GABBR2: variants seen among roughly 807,000 people sequenced by gnomAD.
GABBR2 encodes G-protein coupled receptor 51.
GABBR2 carries 23 observed loss-of-function variants against 105.6 expected under a neutral mutation model. That is an observed-to-expected ratio of 0.22 (90% CI 0.16 to 0.31). The LOEUF is 0.31. Among genes scored for constraint, GABBR2 ranks in the 10% least tolerant of loss-of-function variants. The pLI is 1.00. For missense variants in GABBR2, 734 were observed against 1,245.5 expected (o/e 0.59, Z 6.18); for synonymous variants, 478 against 499.7 (o/e 0.96, Z 0.58).
intron 7 of GABBR2, 76 bp from the exon 8 acceptor site, chr9:98,406,217 A>T (rs1268622696): frequency 1.3e-6 from 1 of 768,878 alleles, no homozygotes; most frequent in African/African-American, 1.8e-5. Context: ...CTGATCTCAC[A>T]GCAATTCATT....
intron 13 of GABBR2, among the ~76,000 whole-genome samples, chr9:98,341,880 G>A (rs1047416090): frequency 1.3e-5 from 2 of 152,138 alleles, no homozygotes; most frequent in South Asian, 2.1e-4. Flanking sequence ...TCGAGAAGCC[G>A]GCTTAATGGG....
At chr9:98,671,878 A>G (rs1033723736) in intron 1 of GABBR2, among the ~76,000 whole-genome samples, 1 of 152,168 alleles carries the variant, frequency 6.6e-6, no homozygotes, top group Non-Finnish European at 1.5e-5. Context: ...GGTAGCTTGG[A>G]CTATGATCAA....
chr9:98,443,693 G>C (rs932408727), intron 7 of GABBR2, among the ~76,000 whole-genome samples: 1 of 152,184 alleles, frequency 6.6e-6, no homozygotes, highest in African/African-American at 2.4e-5. Context: ...CATGGACTAA[G>C]TGCTGGGTCT....
At chr9:98,607,513 A>G (rs1468331539) in intron 1 of GABBR2, 6 of 593,248 alleles carry the variant, frequency 1.0e-5, no homozygotes, top group African/African-American at 7.5e-5. Flanking sequence ...GAAACATAAT[A>G]AAGAAGAAAA....
At chr9:98,455,156 A>T (rs2131605121) in intron 6 of GABBR2, among the ~76,000 whole-genome samples, 1 of 152,316 alleles carries the variant, frequency 6.6e-6, no homozygotes, top group South Asian at 2.1e-4. Flanking sequence ...ATTGAAAAAA[A>T]GATTTTTTTT....
At chr9:98,623,158 C>A (rs1195897944) in intron 1 of GABBR2, among the ~76,000 whole-genome samples, 1 of 152,218 alleles carries the variant, frequency 6.6e-6, no homozygotes, top group Non-Finnish European at 1.5e-5. Flanking sequence ...GGCGCGGTGG[C>A]TCATGCCTGT....
At chr9:98,507,098 A>C (rs1455467491) in intron 3 of GABBR2, among the ~76,000 whole-genome samples, 3 of 152,226 alleles carry the variant, frequency 2.0e-5, no homozygotes, top group Non-Finnish European at 2.9e-5. Flanking sequence ...TCGATCAGCC[A>C]GGCTGATGGA....
chr9:98,346,551 A>G (rs543363606), intron 13 of GABBR2, among the ~76,000 whole-genome samples: 2 of 152,340 alleles, frequency 1.3e-5, no homozygotes, highest in East Asian at 1.9e-4. Context: ...ATCACCTTGA[A>G]CATTTATCAT....
At position 98,473,157 on chromosome 9, in the gene GABBR2, T is replaced by C. The variant is rs1826718798; in HGVS notation, c.988A>G (p.Ile330Val). ...ACCAAGGCACTGACCTTTCCTGAGA[T>C]GGTCTTGATCTGCTTGGAGCTCAGG... ...EPLSSKQIKT[I>V]SGKTPQQYER... is the part of the protein sequence containing the mutation. Residue 330 changes from isoleucine (I) to valine (V), a missense_variant, in exon 6 of 19, where the codon ATC becomes GTC. Around this residue, in one of 7 missense-constraint regions of GABBR2, gnomAD observed 370 missense variants for 648.9 expected, o/e 0.57. Transcript: ENST00000259455. The C allele has an allele frequency of 6.2e-7, 1 of 1,612,988 alleles. No homozygotes were observed.
chr9:98,451,235 A>G (rs1564074171), intron 7 of GABBR2, among the ~76,000 whole-genome samples: 1 of 152,184 alleles, frequency 6.6e-6, no homozygotes, highest in Non-Finnish European at 1.5e-5. Context: ...GGCAGAGTTC[A>G]GGGCTCCTTC....
In GABBR2 at chr9:98,594,294, T is replaced by C. The variant is rs530753116; in HGVS notation, c.322-16222A>G. 1.5e-4 allele frequency among the ~76,000 whole-genome samples: 23 copies of C among 152,314 alleles called. No homozygotes were observed. The East Asian group carries it at 4.2e-3, about 28-fold the overall frequency. ...CATTTCTGGCCCGCCTCCCACCCCG[T>C]GGCTGAGAGCCTGCTAAGGGGTCCC... On this transcript the variant is annotated intron_variant, in intron 1 of 18. Coordinates refer to ENST00000259455, the MANE Select transcript of GABBR2 (RefSeq NM_005458.8).
chr9:98,324,856 A>G (rs552239195), intron 13 of GABBR2, among the ~76,000 whole-genome samples: 51 of 152,280 alleles, frequency 3.3e-4, no homozygotes, highest in African/African-American at 1.2e-3. Flanking sequence ...CATTATAACT[A>G]TAAACCTGTT....
chr9:98,415,343 AAACT>A (rs1317715197), intron 7 of GABBR2, among the ~76,000 whole-genome samples: 4 of 152,238 alleles, frequency 2.6e-5, no homozygotes, highest in African/African-American at 9.6e-5. Context: ...CATCAGCAAT[AAACT>A]AATACTCCCT....
chr9:98,567,816 C>T (rs530228084), intron 2 of GABBR2, among the ~76,000 whole-genome samples: 11 of 152,250 alleles, frequency 7.2e-5, no homozygotes, highest in South Asian at 6.2e-4. Flanking sequence ...CCCGGAGCTT[C>T]GGAATTCCAG....
At chr9:98,624,744 T>C (rs771421634) in intron 1 of GABBR2, among the ~76,000 whole-genome samples, 1 of 151,974 alleles carries the variant, frequency 6.6e-6, no homozygotes. Context: ...AGCTGGGAGC[T>C]GCAGAACGCT....
At chr9:98,691,825 G>T (rs530338386) in intron 1 of GABBR2, among the ~76,000 whole-genome samples, 1 of 152,304 alleles carries the variant, frequency 6.6e-6, no homozygotes, top group Admixed American at 6.5e-5. Context: ...GTTGCTTGCA[G>T]TGAAAGGCCC....
chr9:98,547,054 AT>A lies in GABBR2; in HGVS notation c.460-5012del, dbSNP rs1828414960. ...AACTACAAAGTGATGCAGAGGAGAA[AT>A]TTGGGGCTGGCTTGATTGTCACTGA... On this transcript the variant is annotated intron_variant, in intron 2 of 18. Coordinates refer to ENST00000259455, the MANE Select transcript of GABBR2 (RefSeq NM_005458.8). Among the ~76,000 whole-genome samples, 2 of 119,624 alleles carry A rather than the reference AT, an allele frequency of 1.7e-5. 1 individual carries two copies. 78.5% of individuals were successfully genotyped at this position (119,624 alleles called of 152,430 possible).
At chr9:98,504,673 C>A (rs1827470137) in intron 3 of GABBR2, among the ~76,000 whole-genome samples, 1 of 152,194 alleles carries the variant, frequency 6.6e-6, no homozygotes, top group Non-Finnish European at 1.5e-5. Context: ...TCTTACCTGA[C>A]TAAAGTGTAT....
chr9:98,602,757 G>C (rs190300662), intron 1 of GABBR2, among the ~76,000 whole-genome samples: 1 of 152,330 alleles, frequency 6.6e-6, no homozygotes, highest in African/African-American at 2.4e-5. Context: ...TTCTCACGGA[G>C]ATGCTCGGTT....
Sources: gnomAD v4.1 joint callset for allele counts (sites outside exome capture counted in the v4.1 genomes callset) on GRCh38, gnomAD v4.1.1 for gene constraint, gnomAD v4.1.1 regional missense constraint, MANE v1.5 for transcripts, NCBI Gene and HGNC (gene_info 2026-07-23, HGNC 2026-07-21) for gene names.